FSTL4: variants seen among roughly 807,000 people sequenced by gnomAD.
FSTL4 encodes the protein follistatin-related protein 4.
Under a neutral mutation model 78.2 loss-of-function variants are expected in FSTL4, and 28 were observed. The observed-to-expected ratio is 0.36, with a 90% CI of 0.27 to 0.49. The LOEUF is 0.49. Among genes scored for constraint, FSTL4 ranks in the 20% least tolerant of loss-of-function variants. The probability of loss-of-function intolerance (pLI) is 0.98; values close to 1 mark genes in which losing one functional copy is unlikely to be tolerated. For missense variants in FSTL4, 922 were observed against 1,084.9 expected (o/e 0.85, Z 2.11); for synonymous variants, 422 against 440.5 (o/e 0.96, Z 0.53).
the FSTL4 span, among the ~76,000 whole-genome samples, chr5:133,793,825 T>C: frequency 6.6e-6 from 1 of 152,220 alleles, no homozygotes; most frequent in Non-Finnish European, 1.5e-5. Flanking sequence ...ATGGAGGCCA[T>C]TTCTGACCCT....
the FSTL4 span, among the ~76,000 whole-genome samples, chr5:133,791,681 A>G: frequency 6.6e-6 from 1 of 152,112 alleles, no homozygotes; most frequent in Non-Finnish European, 1.5e-5. Context: ...CTGTCTACAC[A>G]CCTGCATTCT....
At chr5:133,364,734 C>G (rs191256494) in intron 4 of FSTL4, among the ~76,000 whole-genome samples, 1 of 152,294 alleles carries the variant, frequency 6.6e-6, no homozygotes, top group East Asian at 1.9e-4. Context: ...AACATTTGTG[C>G]TGAAAAGCTT....
the FSTL4 span, among the ~76,000 whole-genome samples, chr5:133,701,165 G>T: frequency 6.6e-6 from 1 of 152,078 alleles, no homozygotes; most frequent in Non-Finnish European, 1.5e-5. Flanking sequence ...CATTTTGGGA[G>T]GCCAAGGCAG....
chr5:133,375,076 C>T lies in FSTL4; in HGVS notation c.409+25662G>A, dbSNP rs116010926. Among the ~76,000 whole-genome samples the T allele has an allele frequency of 1.5e-3, 221 of 151,590 alleles. 2 individuals carry two copies. The highest frequency in any genetic ancestry group is 1.6e-3 in the Non-Finnish European group (108 of 67,838). On this transcript the variant is annotated intron_variant, in intron 4 of 15. Transcript: ENST00000265342. ...CATCTAGAAATCAGTAGGTGGTATT[C>T]GAGGAGTGAGCTGGTGCATAACCTG...
At chr5:133,652,291 T>C in the FSTL4 span, among the ~76,000 whole-genome samples, 2 of 152,130 alleles carry the variant, frequency 1.3e-5, no homozygotes, top group Non-Finnish European at 2.9e-5. Flanking sequence ...TTCTGATTAC[T>C]TTGGATTTAG....
the FSTL4 span, among the ~76,000 whole-genome samples, chr5:133,663,274 G>A: frequency 3.9e-5 from 6 of 152,162 alleles, no homozygotes; most frequent in Admixed American, 3.9e-4. Flanking sequence ...TTGAAGTACT[G>A]TCCCACGCAC....
intron 4 of FSTL4, among the ~76,000 whole-genome samples, chr5:133,366,548 G>A (rs566804012): frequency 3.9e-5 from 6 of 152,018 alleles, no homozygotes; most frequent in African/African-American, 9.6e-5. Context: ...TTAAAAATCC[G>A]TAACTCTGAC....
chr5:133,770,884 C>T, the FSTL4 span, among the ~76,000 whole-genome samples: 1,676 of 151,866 alleles, frequency 0.011, 40 homozygotes, highest in African/African-American at 0.039. Flanking sequence ...TTCAATCCAT[C>T]TTGAGTTAAT....
the FSTL4 span, among the ~76,000 whole-genome samples, chr5:133,750,539 G>A: frequency 6.6e-6 from 1 of 152,264 alleles, no homozygotes; most frequent in South Asian, 2.1e-4. Flanking sequence ...CTGTGGGTGA[G>A]GGCAGACGTG....
chr5:133,352,311 TAC>T (rs1554107444), intron 4 of FSTL4, among the ~76,000 whole-genome samples: 8 of 98,840 alleles, frequency 8.1e-5, no homozygotes, highest in South Asian at 3.2e-4. Flanking sequence ...CATATATATA[TAC>T]ACACATATAT....
At chr5:133,536,976 G>C (rs1580774057) in intron 3 of FSTL4, among the ~76,000 whole-genome samples, 1 of 152,172 alleles carries the variant, frequency 6.6e-6, no homozygotes, top group Non-Finnish European at 1.5e-5. Context: ...TTCTATGAGA[G>C]GTTGCTCCTG....
At chr5:133,691,415 A>G in the FSTL4 span, among the ~76,000 whole-genome samples, 1 of 152,096 alleles carries the variant, frequency 6.6e-6, no homozygotes, top group Non-Finnish European at 1.5e-5. Context: ...CCAGCTGGCA[A>G]TGTCCTGCCA....
At chr5:133,238,172 C>A (rs1751716928) in intron 7 of FSTL4, among the ~76,000 whole-genome samples, 1 of 152,110 alleles carries the variant, frequency 6.6e-6, no homozygotes, top group Admixed American at 6.6e-5. Context: ...TATTTAGAGA[C>A]TAAATGTTCA....
chr5:133,218,691 G>A (rs917276068), intron 12 of FSTL4, among the ~76,000 whole-genome samples: 1 of 152,042 alleles, frequency 6.6e-6, no homozygotes, highest in African/African-American at 2.4e-5. Context: ...ATATCTACAG[G>A]GTTTATTTTC....
chr5:133,240,924 A>G (rs746159618), intron 7 of FSTL4, among the ~76,000 whole-genome samples: 3 of 152,186 alleles, frequency 2.0e-5, no homozygotes, highest in South Asian at 2.1e-4. Flanking sequence ...GTCATGCCTC[A>G]TAGGGGTCTC....
chr5:133,506,931 G>T (rs1346738602), intron 3 of FSTL4, among the ~76,000 whole-genome samples: 3 of 152,158 alleles, frequency 2.0e-5, no homozygotes, highest in Non-Finnish European at 4.4e-5. Context: ...CAGGCAATAG[G>T]CCAGGCGCGG....
At chr5:133,289,986 G>T (rs974350818) in intron 6 of FSTL4, among the ~76,000 whole-genome samples, 25 of 152,190 alleles carry the variant, frequency 1.6e-4, no homozygotes, top group Non-Finnish European at 3.2e-4. Flanking sequence ...TTCTGAGAGT[G>T]TGCCGGGAGT....
At chr5:133,313,600 GAAGA>G (rs1248930010) in intron 5 of FSTL4, among the ~76,000 whole-genome samples, 3 of 151,984 alleles carry the variant, frequency 2.0e-5, no homozygotes, top group Non-Finnish European at 1.5e-5. Context: ...GGAAATCTCA[GAAGA>G]AAGAAAATGA....
intron 3 of FSTL4, among the ~76,000 whole-genome samples, chr5:133,483,735 G>A (rs1758075390): frequency 6.6e-6 from 1 of 152,200 alleles, no homozygotes; most frequent in South Asian, 2.1e-4. Flanking sequence ...GGTCTCCAGG[G>A]CAGGTAGGGG....
Sources: allele counts gnomAD v4.1 joint callset (sites outside exome capture counted in the v4.1 genomes callset), GRCh38; gene constraint gnomAD v4.1.1; transcripts MANE v1.5; gene names NCBI Gene and HGNC (gene_info 2026-07-23, HGNC 2026-07-21).